MED13L: variants seen among roughly 807,000 people sequenced by gnomAD.
MED13L encodes mediator complex subunit 13L, also known as mediator of RNA polymerase II transcription subunit 13-like.
Under a neutral mutation model 220.9 loss-of-function variants are expected in MED13L, and 7 were observed. The ratio of observed to expected loss-of-function variants is 0.03; its 90% CI spans 0.02 to 0.06. The LOEUF is 0.06. MED13L is among the 10% of genes least tolerant of loss of function. MED13L has a pLI of 1.00. For synonymous variants in MED13L, 1,011 were observed against 1,015.2 expected (o/e 1.00, Z 0.08); for missense variants, 1,965 against 2,760.5 (o/e 0.71, Z 6.46).
chr12:116,059,855 CAT>C (rs907165114), intron 4 of MED13L, among the ~76,000 whole-genome samples: 9 of 151,932 alleles, frequency 5.9e-5, no homozygotes, highest in Non-Finnish European at 1.2e-4. Flanking sequence ...GAGTAAAAAA[CAT>C]AAAGGAGGCA....
chr12:116,159,236 A>C (rs1878675235), intron 2 of MED13L, among the ~76,000 whole-genome samples: 1 of 152,232 alleles, frequency 6.6e-6, no homozygotes, highest in African/African-American at 2.4e-5. Context: ...ATCAAAGTAA[A>C]GCCTCTGAGA....
intron 4 of MED13L, among the ~76,000 whole-genome samples, chr12:116,025,644 T>G (rs1207684144): frequency 6.6e-6 from 1 of 152,168 alleles, no homozygotes; most frequent in East Asian, 1.9e-4. Flanking sequence ...AAATACCACA[T>G]GATCTCACTC....
chr12:116,221,884 C>T (rs367729560), intron 2 of MED13L, among the ~76,000 whole-genome samples: 3 of 152,028 alleles, frequency 2.0e-5, no homozygotes, highest in African/African-American at 4.8e-5. Flanking sequence ...TTCAAATCCC[C>T]ATAAGGAGCA....
chr12:116,164,867 T>A (rs1879133491), intron 2 of MED13L, among the ~76,000 whole-genome samples: 1 of 152,236 alleles, frequency 6.6e-6, no homozygotes, highest in Admixed American at 6.5e-5. Flanking sequence ...AATAAATATT[T>A]CAAGTTATGT....
intron 2 of MED13L, among the ~76,000 whole-genome samples, chr12:116,152,532 G>A (rs985346571): frequency 3.9e-5 from 6 of 152,032 alleles, no homozygotes; most frequent in African/African-American, 9.7e-5. Context: ...ACTCCCTTGC[G>A]GCTTGCCACC....
At chr12:116,169,385 T>C (rs533227482) in intron 2 of MED13L, 6 of 152,346 alleles carry the variant, frequency 3.9e-5, no homozygotes, top group African/African-American at 1.4e-4. Flanking sequence ...TAAGCTTCTG[T>C]AATCATCAAA....
In MED13L at chr12:115,996,619, A is replaced by G. The variant is rs1304091246; in HGVS notation, c.2853T>C (p.Ala951=). The change falls in exon 16 of 31, where the codon GCT becomes GCC. Residue 951 remains alanine (A), a synonymous_variant. Transcript: ENST00000281928. ...AATGGCTCGGCAACATCTTCAGTGG[A>G]GCAAACATGGAGGATCCCACAAAAG... ...FQPFVGSSMF[A]PLKMLPSHCL... 1.2e-6 allele frequency: 2 copies of G among 1,614,092 alleles called. No homozygotes were observed. Among genetic ancestry groups the G allele is most frequent in the South Asian group, 1.1e-5 (1 of 91,082 alleles).
chr12:116,199,999 A>G (rs190099241), intron 2 of MED13L, among the ~76,000 whole-genome samples: 565 of 152,118 alleles, frequency 3.7e-3, no homozygotes, highest in Non-Finnish European at 5.3e-3. Context: ...TGGTTGAAAT[A>G]AAAGGAGGAA....
At chr12:116,078,266 T>C (rs1249541768) in intron 4 of MED13L, among the ~76,000 whole-genome samples, 2 of 152,128 alleles carry the variant, frequency 1.3e-5, no homozygotes, top group Admixed American at 6.5e-5. Flanking sequence ...AATGCCAGTC[T>C]CTATGCAATT....
chr12:116,113,081 T>C (rs1014942544), intron 2 of MED13L, among the ~76,000 whole-genome samples: 2 of 152,164 alleles, frequency 1.3e-5, no homozygotes, highest in African/African-American at 4.8e-5. Flanking sequence ...TATGCATACA[T>C]AAAACAGATA....
At chr12:116,148,175 A>G (rs1877717064) in intron 2 of MED13L, among the ~76,000 whole-genome samples, 1 of 151,882 alleles carries the variant, frequency 6.6e-6, no homozygotes, top group African/African-American at 2.4e-5. Context: ...AAACATACAC[A>G]TATATACAGA....
At chr12:116,257,756 G>A (rs1406479884) in intron 1 of MED13L, among the ~76,000 whole-genome samples, 1 of 151,810 alleles carries the variant, frequency 6.6e-6, no homozygotes, top group African/African-American at 2.4e-5. Flanking sequence ...CTTTTATCGA[G>A]GTGATCATTT....
At position 116,277,144 on chromosome 12, in the gene MED13L, G is replaced by C. The variant is rs765395339; in HGVS notation, c.-13C>G. 6.4e-7 allele frequency: 1 copy of C among 1,564,544 alleles called. No homozygotes were observed. Among genetic ancestry groups the C allele is most frequent in the Non-Finnish European group, 8.6e-7 (1 of 1,156,144 alleles). Reference sequence around the variant, plus strand: ...CTGCCGCAGTCATGATCCTCCGCGAGCCCGGCCGCCAGAGCGGGGCATGTC... The same window carrying C: ...CTGCCGCAGTCATGATCCTCCGCGACCCCGGCCGCCAGAGCGGGGCATGTC... On this transcript the variant is annotated 5_prime_UTR_variant, in exon 1 of 31. Coordinates refer to ENST00000281928, the MANE Select transcript of MED13L (RefSeq NM_015335.5).
intron 19 of MED13L, among the ~76,000 whole-genome samples, chr12:115,985,148 G>A (rs747904002): frequency 6.8e-4 from 103 of 152,250 alleles, no homozygotes; most frequent in Non-Finnish European, 1.4e-3. Flanking sequence ...AAGAGTGTCT[G>A]TCTGTACCCT....
chr12:116,238,763 G>C (rs1241545774), intron 1 of MED13L, among the ~76,000 whole-genome samples: 2 of 152,120 alleles, frequency 1.3e-5, no homozygotes, highest in African/African-American at 4.8e-5. Flanking sequence ...CCACATTTAA[G>C]AAAAAGAAAA....
Position 116,151,297 on chromosome 12 carries a change from A to C in MED13L, c.311-39785T>G, listed in dbSNP as rs1878020041. Among the ~76,000 whole-genome samples the C allele has an allele frequency of 3.9e-5, 6 of 152,216 alleles. No individual in the cohort carries two copies. The South Asian group carries it at 1.2e-3, about 32-fold the overall frequency. ...TATATAATTGGTTGAGATCAAAGAC[A>C]TCTTAAGTTACTATAGAAATGTCAG... On this transcript the variant is annotated intron_variant, in intron 2 of 30. Coordinates refer to ENST00000281928, the MANE Select transcript of MED13L (RefSeq NM_015335.5).
At chr12:116,276,344 G>A (rs1873822647) in intron 1 of MED13L, 1 of 622,764 alleles carries the variant, frequency 1.6e-6, no homozygotes, top group Non-Finnish European at 2.5e-6. Context: ...GTGTGTGTGT[G>A]TGTGTGTGCG....
rs372802020 is a variant in MED13L, at chr12:115,981,989, A to G, written c.5175+395T>C. On this transcript the variant is annotated intron_variant, in intron 22 of 30. Transcript: ENST00000281928. ...TGAAATCCAAAATGCACCAAAACCCAAAACTTTTGGAATGCCAATAAAACG... is the reference window on the plus strand; with the variant it reads ...TGAAATCCAAAATGCACCAAAACCCGAAACTTTTGGAATGCCAATAAAACG... The G allele has an allele frequency of 3.5e-5, 7 of 202,038 alleles. No individual in the cohort carries two copies. In the East Asian group the frequency reaches 8.2e-4, roughly 24 times the overall value. 12.5% of individuals were successfully genotyped at this position (202,038 alleles called of 1,614,324 possible). A position where few individuals can be genotyped will look rare whatever the true frequency, so the allele number is the denominator to read the frequency against.
At chr12:116,080,810 T>C (rs1337025332) in intron 4 of MED13L, among the ~76,000 whole-genome samples, 4 of 152,214 alleles carry the variant, frequency 2.6e-5, no homozygotes, top group African/African-American at 9.6e-5. Flanking sequence ...TAAGAATAAA[T>C]TTTATTGTTT....
Sources: gnomAD v4.1 joint callset for allele counts (sites outside exome capture counted in the v4.1 genomes callset) on GRCh38, gnomAD v4.1.1 for gene constraint, MANE v1.5 for transcripts, NCBI Gene and HGNC (gene_info 2026-07-23, HGNC 2026-07-21) for gene names.